JAKMIP2: variants seen among roughly 807,000 people sequenced by gnomAD.
The protein encoded by JAKMIP2 is janus kinase and microtubule-interacting protein 2.
In JAKMIP2, 25 loss-of-function variants were observed where a neutral mutation model predicts 115.0. The observed-to-expected ratio is 0.22, with a 90% CI of 0.16 to 0.30. JAKMIP2 has a LOEUF of 0.30. JAKMIP2 is among the 10% of genes least tolerant of loss of function. The pLI is 1.00. For synonymous variants in JAKMIP2, 334 were observed against 343.6 expected (o/e 0.97, Z 0.31); for missense variants, 642 against 957.6 (o/e 0.67, Z 4.35).
intron 1 of JAKMIP2, among the ~76,000 whole-genome samples, chr5:147,678,463 A>T (rs1760090898): frequency 6.6e-6 from 1 of 152,090 alleles, no homozygotes; most frequent in Non-Finnish European, 1.5e-5. Flanking sequence ...CACAAATGAA[A>T]ATTTTCTTTG....
intron 1 of JAKMIP2, among the ~76,000 whole-genome samples, chr5:147,728,325 T>C (rs1159916885): frequency 1.3e-5 from 2 of 152,072 alleles, no homozygotes; most frequent in Non-Finnish European, 2.9e-5. Context: ...AGTTGATTGG[T>C]TTTGGGTTGC....
At chr5:147,643,141 C>T (rs1007437180) in intron 7 of JAKMIP2, among the ~76,000 whole-genome samples, 5 of 152,066 alleles carry the variant, frequency 3.3e-5, no homozygotes, top group Non-Finnish European at 7.4e-5. Context: ...TACATCTATC[C>T]TATTACTTCT....
intron 11 of JAKMIP2, 154 bp from the exon 12 acceptor site, chr5:147,636,438 A>G (rs1016263517): frequency 1.8e-5 from 11 of 614,044 alleles, no homozygotes; most frequent in African/African-American, 1.5e-4. Flanking sequence ...AGCTCCTTCA[A>G]AGAAATTGGG....
At chr5:147,595,012 A>G (rs556737831) in intron 21 of JAKMIP2, among the ~76,000 whole-genome samples, 1 of 152,126 alleles carries the variant, frequency 6.6e-6, no homozygotes, top group South Asian at 2.1e-4. Context: ...TGATGTGGGA[A>G]ATGTGGTCCC....
At chr5:147,694,261 G>C (rs1752000412) in intron 1 of JAKMIP2, among the ~76,000 whole-genome samples, 1 of 152,116 alleles carries the variant, frequency 6.6e-6, no homozygotes, top group Non-Finnish European at 1.5e-5. Context: ...ATTTTGGCTA[G>C]AGAGGATAAA....
chr5:147,774,237 G>C (rs1458602061), intron 1 of JAKMIP2, among the ~76,000 whole-genome samples: 2 of 152,126 alleles, frequency 1.3e-5, no homozygotes, highest in Non-Finnish European at 2.9e-5. Flanking sequence ...AACTAGAACT[G>C]AGAAGATGAT....
intron 1 of JAKMIP2, among the ~76,000 whole-genome samples, chr5:147,742,155 A>ATATATATATATATATTT: frequency 5.5e-5 from 6 of 108,880 alleles, no homozygotes; most frequent in African/African-American, 1.9e-4. Context: ...ATATATATAT[A>ATATATATATATATATTT]TTTTTTTTAC....
In JAKMIP2 at chr5:147,623,867, C is replaced by T. The variant is rs116555681; in HGVS notation, c.1996-178G>A. Among the ~76,000 whole-genome samples the T allele has an allele frequency of 4.8e-3, 729 of 152,182 alleles. 2 individuals are homozygous for T. The highest frequency in any genetic ancestry group is 8.3e-3 in the Non-Finnish European group (562 of 68,000). ...TTGTTTTGTTTTTGAAACGGAATCT[C>T]GCTCCGTTGCCCAGGCTGGAGTGCA... On this transcript the variant is annotated intron_variant, in intron 16 of 21. Transcript: ENST00000616793.
At chr5:147,736,681 T>C (rs1249303259) in intron 1 of JAKMIP2, among the ~76,000 whole-genome samples, 1 of 152,112 alleles carries the variant, frequency 6.6e-6, no homozygotes, top group Non-Finnish European at 1.5e-5. Context: ...CCTGTACTTT[T>C]ATGAGGTTGG....
intron 20 of JAKMIP2, among the ~76,000 whole-genome samples, chr5:147,603,031 C>T (rs116491561): frequency 8.5e-4 from 130 of 152,194 alleles, no homozygotes; most frequent in African/African-American, 3.0e-3. Context: ...GAGTAATGGA[C>T]GAATTCCCAT....
Position 147,586,908 on chromosome 5 carries a change from G to T in JAKMIP2, c.*4799C>A, listed in dbSNP as rs1403897443. On this transcript the variant is annotated 3_prime_UTR_variant, in exon 22 of 22. Coordinates refer to ENST00000616793, the MANE Select transcript of JAKMIP2 (RefSeq NM_001270941.2). ...CATTGGACTTGGACTCCCAGCAAGA[G>T]ATTTATTTAGGAAGAACTAAACCGC... The T allele has an allele frequency of 6.6e-6, 1 of 151,892 alleles. No individual in the cohort carries two copies. 9.4% of individuals were successfully genotyped at this position (151,892 alleles called of 1,614,324 possible).
intron 1 of JAKMIP2, among the ~76,000 whole-genome samples, chr5:147,721,389 T>A (rs928473988): frequency 1.3e-5 from 2 of 152,240 alleles, no homozygotes; most frequent in Non-Finnish European, 2.9e-5. Context: ...AGTTGGAGCT[T>A]CGAGGCTGCT....
rs192553792 is a variant in JAKMIP2, at chr5:147,675,520, C to A, written c.-148-3566G>T. 2.6e-5 allele frequency among the ~76,000 whole-genome samples: 4 copies of A among 151,758 alleles called. No individual in the cohort carries two copies. The South Asian group carries it at 8.3e-4, about 32-fold the overall frequency. On this transcript the variant is annotated intron_variant, in intron 1 of 21. Transcript: ENST00000616793. ...GCTTCTTTGAGATATAAGTCACATA[C>A]CGTAACATTCACATTTTTAAAATGT...
chr5:147,644,940 C>A lies in JAKMIP2; in HGVS notation c.993G>T (p.Lys331Asn). ...GTTCATCGTTTCTCTTGGCGAGGCACTTGTTCCTTTCCAGGAGAGGTTTAC... is the reference window on the plus strand; with the variant it reads ...GTTCATCGTTTCTCTTGGCGAGGCAATTGTTCCTTTCCAGGAGAGGTTTAC... ...KQCKPLLERN[K>N]CLAKRNDELM... Residue 331 changes from lysine to asparagine, a missense_variant, in exon 6 of 22, where the codon AAG becomes AAT. Physicochemically the swap from Lys to Asn is moderately conservative, Grantham distance 94. Coordinates refer to ENST00000616793, the MANE Select transcript of JAKMIP2 (RefSeq NM_001270941.2). The A allele has an allele frequency of 6.2e-7, 1 of 1,613,862 alleles. No individual in the cohort carries two copies. Among genetic ancestry groups the A allele is most frequent in the Non-Finnish European group, 8.5e-7 (1 of 1,179,876 alleles).
intron 20 of JAKMIP2, among the ~76,000 whole-genome samples, chr5:147,610,619 A>ACCCCTCCTGGG (rs1756266752): frequency 6.6e-6 from 1 of 151,852 alleles, no homozygotes; most frequent in Non-Finnish European, 1.5e-5. Flanking sequence ...GTGTCTGTCG[A>ACCCCTCCTGGG]ACCCTCCTGG....
intron 1 of JAKMIP2, among the ~76,000 whole-genome samples, chr5:147,767,391 G>C (rs573574407): frequency 6.6e-6 from 1 of 152,076 alleles, no homozygotes; most frequent in Non-Finnish European, 1.5e-5. Context: ...TTCACTTAAA[G>C]GAAAATAAAC....
At chr5:147,777,437 A>C (rs1185374726) in intron 1 of JAKMIP2, among the ~76,000 whole-genome samples, 1 of 152,230 alleles carries the variant, frequency 6.6e-6, no homozygotes. Flanking sequence ...CAATGCATAC[A>C]GTATGGTCCA....
At chr5:147,598,424 T>TCATC (rs1755509803) in intron 21 of JAKMIP2, among the ~76,000 whole-genome samples, 1 of 48,162 alleles carries the variant, frequency 2.1e-5, no homozygotes, top group Non-Finnish European at 4.3e-5. Flanking sequence ...GCTCTCATTT[T>TCATC]CATCTATCTA....
In JAKMIP2 at chr5:147,765,030, GAGAAAGAA is replaced by G. The variant is rs66712881; in HGVS notation, c.-149+17418_-149+17425del. ...AGAGAGAAAGGGAGACAGAGAGAGA[GAGAAAGAA>G]AGAAAGAGAGAAGAGAGAAGGAAGG... On this transcript the variant is annotated intron_variant, in intron 1 of 21. Transcript: ENST00000616793. 2.7e-3 allele frequency among the ~76,000 whole-genome samples: 310 copies of G among 115,714 alleles called. 3 individuals carry two copies. Among genetic ancestry groups the G allele is most frequent in the Non-Finnish European group, 4.5e-3 (253 of 55,768 alleles). 75.9% of individuals were successfully genotyped at this position (115,714 alleles called of 152,430 possible).
Sources: allele counts gnomAD v4.1 joint callset (sites outside exome capture counted in the v4.1 genomes callset), GRCh38; gene constraint gnomAD v4.1.1; transcripts MANE v1.5; gene names NCBI Gene and HGNC (gene_info 2026-07-23, HGNC 2026-07-21).